Variants in SUGCT observed in about 807,000 individuals in gnomAD.
SUGCT encodes the protein succinyl-CoA:glutarate CoA-transferase.
SUGCT carries 41 observed loss-of-function variants against 55.0 expected under a neutral mutation model. That is an observed-to-expected ratio of 0.74 (90% confidence interval 0.58 to 0.97). The LOEUF (loss-of-function observed/expected upper bound fraction) is 0.97, where lower values mean the gene tolerates loss of function less well. SUGCT is among the 50% of genes least tolerant of loss of function. The pLI, the probability that SUGCT is intolerant of heterozygous loss-of-function variation, is 0.00. For missense variants in SUGCT, 568 were observed against 547.8 expected (o/e 1.04, Z -0.37); for synonymous variants, 187 against 200.4 (o/e 0.93, Z 0.56).
chr7:40,305,223 C>T (rs1438180130), intron 8 of SUGCT, among the ~76,000 whole-genome samples: 1 of 152,218 alleles, frequency 6.6e-6, no homozygotes, highest in African/African-American at 2.4e-5. Flanking sequence ...TTCAGCCTGA[C>T]CTTCTCATTC....
chr7:40,243,259 G>A (rs1387812443), intron 7 of SUGCT, among the ~76,000 whole-genome samples: 1 of 151,804 alleles, frequency 6.6e-6, no homozygotes, highest in African/African-American at 2.4e-5. Context: ...TAATTCAACT[G>A]TAAATATTGG....
At chr7:40,545,146 A>G (rs959920724) in intron 12 of SUGCT, among the ~76,000 whole-genome samples, 80 of 152,218 alleles carry the variant, frequency 5.3e-4, no homozygotes, top group Non-Finnish European at 2.4e-4. Context: ...GGGGGTGGAA[A>G]GCCAGATATT....
chr7:40,398,361 G>T (rs1483353237), intron 9 of SUGCT, among the ~76,000 whole-genome samples: 1 of 152,182 alleles, frequency 6.6e-6, no homozygotes. Flanking sequence ...CAAAGTGCTG[G>T]GATTACAGGT....
At chr7:40,908,695 A>G in the SUGCT span, among the ~76,000 whole-genome samples, 1 of 152,204 alleles carries the variant, frequency 6.6e-6, no homozygotes, top group Non-Finnish European at 1.5e-5. Flanking sequence ...CAGAATATAT[A>G]GCTACCAGAT....
chr7:40,645,277 A>G (rs1171981206), intron 12 of SUGCT, among the ~76,000 whole-genome samples: 1 of 152,164 alleles, frequency 6.6e-6, no homozygotes, highest in African/African-American at 2.4e-5. Context: ...TCATTGTTCT[A>G]GAGAGCAAGT....
intron 8 of SUGCT, among the ~76,000 whole-genome samples, chr7:40,308,155 G>A (rs1030506783): frequency 6.6e-6 from 1 of 152,114 alleles, no homozygotes; most frequent in Non-Finnish European, 1.5e-5. Flanking sequence ...ATTGATGTAG[G>A]GGGACTTGCC....
At chr7:40,615,718 A>T (rs1798973525) in intron 12 of SUGCT, among the ~76,000 whole-genome samples, 1 of 152,256 alleles carries the variant, frequency 6.6e-6, no homozygotes, top group Admixed American at 6.5e-5. Context: ...TAGCGAAAAC[A>T]CAAGGATCAT....
At chr7:40,202,461 A>G (rs1786666703) in intron 6 of SUGCT, among the ~76,000 whole-genome samples, 1 of 152,140 alleles carries the variant, frequency 6.6e-6, no homozygotes, top group African/African-American at 2.4e-5. Context: ...TTATGTATGC[A>G]CATGCATGCA....
intron 9 of SUGCT, among the ~76,000 whole-genome samples, chr7:40,415,466 TA>T (rs370596112): frequency 2.5e-4 from 38 of 151,802 alleles, no homozygotes; most frequent in South Asian, 6.2e-4. Flanking sequence ...AAAATGTTAA[TA>T]TTTTTTTTCC....
the SUGCT span, among the ~76,000 whole-genome samples, chr7:40,962,287 A>T: frequency 6.6e-6 from 1 of 151,892 alleles, no homozygotes; most frequent in Non-Finnish European, 1.5e-5. Context: ...CTAGACAGAA[A>T]AGTTCTCCAA....
the SUGCT span, among the ~76,000 whole-genome samples, chr7:40,933,275 G>T: frequency 6.6e-6 from 1 of 152,138 alleles, no homozygotes; most frequent in Non-Finnish European, 1.5e-5. Flanking sequence ...CCCTCTTCTG[G>T]CTTGTAGGGT....
Position 40,860,478 on chromosome 7 carries a change from G to T in SUGCT, c.1316G>T (p.Ter439LeuextTer29). 1.2e-6 allele frequency: 2 copies of T among 1,608,970 alleles called. No homozygotes were observed. The highest frequency in any genetic ancestry group is 2.2e-5 in the South Asian group (2 of 90,688). Reference sequence around the variant, plus strand: ...GTGGTGGACCAACATGAAACTCACTGACAAAGGAAAAGGGCTCTTCCTCAT... The same window carrying T: ...GTGGTGGACCAACATGAAACTCACTTACAAAGGAAAAGGGCTCTTCCTCAT... The part of the protein sequence containing the change: ...AGVVDQHETH[*>L] Residue 439 changes from the stop codon to leucine (L), a stop_lost, in exon 14 of 14, where the codon TGA (stop) becomes TTA (leucine). Coordinates refer to ENST00000335693, the MANE Select transcript of SUGCT (RefSeq NM_001193313.2).
intron 1 of SUGCT, among the ~76,000 whole-genome samples, chr7:40,180,543 G>A (rs1041580697): frequency 5.9e-5 from 9 of 151,434 alleles, no homozygotes; most frequent in Non-Finnish European, 1.3e-4. Flanking sequence ...AGGCTGGAGT[G>A]CAGCGGCATG....
chr7:40,763,791 C>T (rs931329880), intron 13 of SUGCT, among the ~76,000 whole-genome samples: 1 of 152,150 alleles, frequency 6.6e-6, no homozygotes, highest in East Asian at 1.9e-4. Context: ...TGTGTTATTT[C>T]TTCCCTTCAC....
At chr7:40,552,125 C>T (rs903197207) in intron 12 of SUGCT, among the ~76,000 whole-genome samples, 1 of 152,162 alleles carries the variant, frequency 6.6e-6, no homozygotes, top group Non-Finnish European at 1.5e-5. Context: ...GACAGGAAGG[C>T]GGCAACATCT....
intron 13 of SUGCT, among the ~76,000 whole-genome samples, chr7:40,815,609 G>T (rs945618276): frequency 1.3e-5 from 2 of 152,180 alleles, no homozygotes; most frequent in South Asian, 2.1e-4. Flanking sequence ...CTGGAGATTT[G>T]CCTGGGCATG....
downstream of SUGCT, among the ~76,000 whole-genome samples, chr7:40,861,284 G>A (rs560222376): frequency 6.6e-6 from 1 of 152,312 alleles, no homozygotes; most frequent in Non-Finnish European, 1.5e-5. Flanking sequence ...CTATCCAGGT[G>A]TTAAATAATT....
chr7:40,832,554 T>G (rs570729464), intron 13 of SUGCT, among the ~76,000 whole-genome samples: 12 of 137,786 alleles, frequency 8.7e-5, no homozygotes, highest in Admixed American at 6.7e-4. Context: ...TTTTCCAGGG[T>G]TTTTTTTGTT....
At chr7:40,323,607 G>A (rs1795860668) in intron 9 of SUGCT, among the ~76,000 whole-genome samples, 1 of 152,034 alleles carries the variant, frequency 6.6e-6, no homozygotes, top group Non-Finnish European at 1.5e-5. Context: ...TGCCCAGGCT[G>A]GTCTTGAACT....
Sources: gnomAD v4.1 joint callset for allele counts (sites outside exome capture counted in the v4.1 genomes callset) on GRCh38, gnomAD v4.1.1 for gene constraint, MANE v1.5 for transcripts, NCBI Gene and HGNC (gene_info 2026-07-23, HGNC 2026-07-21) for gene names.